Variants in SLC27A6 observed in about 807,000 individuals in gnomAD.
The protein encoded by SLC27A6 is solute carrier family 27 member 6.
In SLC27A6, 74 loss-of-function variants were observed where a neutral mutation model predicts 63.9. That is an observed-to-expected ratio of 1.16 (90% confidence interval 0.96 to 1.40). The LOEUF (loss-of-function observed/expected upper bound fraction) is 1.40, where lower values mean the gene tolerates loss of function less well. SLC27A6 is among the 40% of genes most tolerant of loss of function. The probability of loss-of-function intolerance (pLI) is 0.00; values close to 1 mark genes in which losing one functional copy is unlikely to be tolerated. For synonymous variants in SLC27A6, 287 were observed against 260.8 expected, an observed-to-expected ratio of 1.10 and a Z score of -0.97; for missense variants, 794 against 732.9, an observed-to-expected ratio of 1.08 and a Z score of -0.96.
chr5:129,011,419 C>T (rs950153922), intron 4 of SLC27A6, among the ~76,000 whole-genome samples: 1 of 152,120 alleles, frequency 6.6e-6, no homozygotes, highest in Non-Finnish European at 1.5e-5. Context: ...TGAGCATATT[C>T]TCATATACTT....
chr5:129,001,767 T>C (rs1329772095), intron 4 of SLC27A6, among the ~76,000 whole-genome samples: 1 of 152,214 alleles, frequency 6.6e-6, no homozygotes, highest in African/African-American at 2.4e-5. Context: ...GGTTCACTTT[T>C]CTTAGGCATA....
intron 4 of SLC27A6, among the ~76,000 whole-genome samples, chr5:129,011,636 C>G (rs191694904): frequency 1.3e-5 from 2 of 152,264 alleles, no homozygotes; most frequent in Admixed American, 1.3e-4. Context: ...CACAACAGTT[C>G]CCTCTCCCCA....
At chr5:129,029,771 C>T in intron 9 of SLC27A6, 64 bp downstream of exon 9, 1 of 1,387,508 alleles carries the variant, frequency 7.2e-7, no homozygotes, top group Non-Finnish European at 1.0e-6. Context: ...AGTTTAATTG[C>T]AAAATAATAT....
At chr5:129,016,133 C>G (rs1383725515) in intron 5 of SLC27A6, 54 bp downstream of exon 5, 1 of 1,322,890 alleles carries the variant, frequency 7.6e-7, no homozygotes, top group East Asian at 2.5e-5. Context: ...TGGCTCATAC[C>G]TGTAATCCCA....
chr5:129,024,044 G>A, intron 6 of SLC27A6, among the ~76,000 whole-genome samples: 1 of 151,870 alleles, frequency 6.6e-6, no homozygotes. Flanking sequence ...TGAATCCACA[G>A]ATGTGAAACC....
rs148229667 is a variant in SLC27A6, at chr5:128,966,376, A to C, written c.239A>C (p.Tyr80Ser). ...TTCATCATCTATGAGGGAGACATCTACACCTATCAGGATGTAGACAAAAGG... is the reference window on the plus strand; with the variant it reads ...TTCATCATCTATGAGGGAGACATCTCCACCTATCAGGATGTAGACAAAAGG... ...KPFIIYEGDI[Y>S]TYQDVDKRSS... The change falls in exon 1 of 10, where the codon TAC becomes TCC. Residue 80 changes from tyrosine (Y) to serine (S), a missense_variant. Tyr to Ser is a moderately radical substitution (Grantham distance 144). Coordinates refer to ENST00000262462, the MANE Select transcript of SLC27A6 (RefSeq NM_001017372.3). The C allele has an allele frequency of 1.9e-5, 30 of 1,613,788 alleles. No individual in the cohort carries two copies. The Admixed American group carries it at 2.2e-4, about 12-fold the overall frequency.
rs1580698140 is a variant in SLC27A6, at chr5:128,971,238, A to AT, written c.481+4623dup. 3.3e-5 allele frequency among the ~76,000 whole-genome samples: 5 copies of AT among 152,202 alleles called. No individual in the cohort carries two copies. In the East Asian group the frequency reaches 9.7e-4, roughly 29 times the overall value. On this transcript the variant is annotated intron_variant, in intron 1 of 9. Coordinates refer to ENST00000262462, the MANE Select transcript of SLC27A6 (RefSeq NM_001017372.3). ...GCTGAGAAGAATGTATATTCTGTTG[A>AT]TTTGGGGTGGAGAGTTCTGTAGATG... is the stretch of plus-strand genomic sequence containing the variant.
At chr5:128,967,520 C>G (rs966783364) in intron 1 of SLC27A6, among the ~76,000 whole-genome samples, 2 of 152,066 alleles carry the variant, frequency 1.3e-5, no homozygotes, top group African/African-American at 4.8e-5. Flanking sequence ...CATACCAATA[C>G]CTTGTATAAA....
At chr5:129,026,935 T>C (rs1469139403) in intron 6 of SLC27A6, among the ~76,000 whole-genome samples, 198 bp from the exon 7 acceptor site, 1 of 152,162 alleles carries the variant, frequency 6.6e-6, no homozygotes, top group Non-Finnish European at 1.5e-5. Context: ...CAAAGTAATT[T>C]GTATTTGTGG....
rs1385254211 is a variant in SLC27A6, at chr5:129,023,639, T to C, written c.1184T>C (p.Leu395Ser). 15 of 1,607,104 alleles carry C rather than the reference T, an allele frequency of 9.3e-6. No individual in the cohort carries two copies. The highest frequency in any genetic ancestry group is 1.1e-5 in the Non-Finnish European group (13 of 1,177,346). ...LFYKLLSTFD[L>S]IKYDFQKDEP... ...TTGCAGCTTCTTTCCACTTTTGACT[T>C]AATAAAGTATGACTTTCAGAAAGAT... The change falls in exon 6 of 10, where the codon TTA becomes TCA. Residue 395 changes from leucine to serine, a missense_variant. Transcript: ENST00000262462.
chr5:128,981,098 G>GA (rs941338349), intron 1 of SLC27A6, among the ~76,000 whole-genome samples: 6 of 152,014 alleles, frequency 3.9e-5, no homozygotes, highest in African/African-American at 1.4e-4. Context: ...CATGTGGGAG[G>GA]AAAAAAATAT....
intron 5 of SLC27A6, 33 bp downstream of exon 5, chr5:129,016,112 C>T (rs779019041): frequency 3.0e-5 from 44 of 1,487,564 alleles, no homozygotes; most frequent in Admixed American, 6.4e-5. Context: ...TAAAGAAATA[C>T]ATCGGTGCGG....
chr5:128,985,305 T>C lies in SLC27A6; in HGVS notation c.654T>C (p.Thr218=). 1 of 1,614,124 alleles carries C rather than the reference T, an allele frequency of 6.2e-7. No individual in the cohort carries two copies. Among genetic ancestry groups the C allele is most frequent in the Non-Finnish European group, 8.5e-7 (1 of 1,179,984 alleles). ...SHHVVSLLKS[T]CLYIFTSGTT... ...ATGTTGTCTCACTCCTCAAGTCTAC[T>C]TGTCTTTACATTTTTACCTCTGGAA... Residue 218 remains threonine (T), a synonymous_variant, in exon 2 of 10, where the codon ACT becomes ACC. Transcript: ENST00000262462.
At chr5:129,003,553 G>A (rs4836430) in intron 4 of SLC27A6, among the ~76,000 whole-genome samples, 34,979 of 152,086 alleles carry the variant, frequency 0.23, 5,127 homozygotes, top group East Asian at 0.7. Context: ...AGCCTTAGCA[G>A]TAGGCCAGTG....
At chr5:129,014,437 A>G (rs1260048008) in intron 4 of SLC27A6, among the ~76,000 whole-genome samples, 1 of 152,186 alleles carries the variant, frequency 6.6e-6, no homozygotes, top group Admixed American at 6.5e-5. Flanking sequence ...TAAGACTTAA[A>G]GTTATGGTTA....
intron 1 of SLC27A6, among the ~76,000 whole-genome samples, chr5:128,969,631 TGAAGTTGCTTATCA>T (rs1270436999): frequency 6.6e-6 from 1 of 152,218 alleles, no homozygotes; most frequent in Non-Finnish European, 1.5e-5. Flanking sequence ...CTGAGACTGC[TGAAGTTGCTTATCA>T]GCTTAAGGAG....
chr5:128,981,945 C>T (rs1750607112), intron 1 of SLC27A6, among the ~76,000 whole-genome samples: 1 of 151,970 alleles, frequency 6.6e-6, no homozygotes, highest in Admixed American at 6.6e-5. Flanking sequence ...TCCTGAGTAG[C>T]TGGGATTACA....
At chr5:129,023,505 A>G (rs1029594860) in intron 5 of SLC27A6, 115 bp from the exon 6 acceptor site, 1 of 598,030 alleles carries the variant, frequency 1.7e-6, no homozygotes, top group East Asian at 3.0e-5. Context: ...CCATATTCCA[A>G]TTATTTATTT....
chr5:128,990,878 T>G (rs1263176188), intron 4 of SLC27A6, among the ~76,000 whole-genome samples: 1 of 152,116 alleles, frequency 6.6e-6, no homozygotes, highest in Non-Finnish European at 1.5e-5. Context: ...CCTTGCTGGA[T>G]CAGAAGCAGA....
Sources: allele counts gnomAD v4.1 joint callset (sites outside exome capture counted in the v4.1 genomes callset), GRCh38; gene constraint gnomAD v4.1.1; transcripts MANE v1.5; gene names NCBI Gene and HGNC (gene_info 2026-07-23, HGNC 2026-07-21).